The following CLNK variants were observed in gnomAD, a reference collection of about 807,000 sequenced individuals.
CLNK encodes cytokine dependent hematopoietic cell linker, also known as cytokine-dependent hematopoietic cell linker.
In CLNK, 74 loss-of-function variants were observed where a neutral mutation model predicts 68.6. The ratio of observed to expected loss-of-function variants is 1.08; its 90% CI spans 0.89 to 1.31. The LOEUF is 1.31. Among genes scored for constraint, CLNK ranks in the 50% most tolerant of loss-of-function variants. CLNK has a pLI of 0.00. For missense variants in CLNK, 553 were observed against 515.3 expected, an observed-to-expected ratio of 1.07 and a Z score of -0.71; for synonymous variants, 198 against 172.2, an observed-to-expected ratio of 1.15 and a Z score of -1.17.
At chr4:10,638,997 G>C (rs921961872) in intron 2 of CLNK, among the ~76,000 whole-genome samples, 4 of 152,198 alleles carry the variant, frequency 2.6e-5, no homozygotes, top group Non-Finnish European at 4.4e-5. Flanking sequence ...GTCACATTCT[G>C]CGATGCTGGG....
intron 18 of CLNK, among the ~76,000 whole-genome samples, chr4:10,496,346 G>T (rs1246886774): frequency 6.6e-6 from 1 of 152,182 alleles, no homozygotes; most frequent in East Asian, 1.9e-4. Flanking sequence ...GCAGAGCCTT[G>T]CTATGTAAAA....
intron 2 of CLNK, among the ~76,000 whole-genome samples, chr4:10,632,131 T>A (rs1226028464): frequency 1.3e-5 from 2 of 152,200 alleles, no homozygotes; most frequent in Non-Finnish European, 2.9e-5. Context: ...CAAAACTCCA[T>A]CTTCCCAGAC....
At chr4:10,660,880 C>A (rs1724168596) in intron 2 of CLNK, among the ~76,000 whole-genome samples, 2 of 152,246 alleles carry the variant, frequency 1.3e-5, no homozygotes, top group Non-Finnish European at 2.9e-5. Context: ...TGTTCCCTCA[C>A]AGCTTGCAGC....
intron 10 of CLNK, 31 bp downstream of exon 10, chr4:10,541,991 C>G: frequency 6.8e-7 from 1 of 1,465,826 alleles, no homozygotes; most frequent in Non-Finnish European, 9.3e-7. Flanking sequence ...CATTGTATAG[C>G]GAAAAAAAAT....
At chr4:10,571,717 AG>A in intron 5 of CLNK, 23 bp downstream of exon 5, 1 of 1,593,662 alleles carries the variant, frequency 6.3e-7, no homozygotes, top group Non-Finnish European at 8.6e-7. Context: ...CGTATAAAAT[AG>A]ATAAGGGAAG....
At chr4:10,701,494 C>G in the CLNK span, among the ~76,000 whole-genome samples, 2 of 152,200 alleles carry the variant, frequency 1.3e-5, no homozygotes, top group Admixed American at 6.5e-5. Context: ...ACGCAGTCCC[C>G]TTTCTCAAGG....
chr4:10,563,070 C>T (rs149318167), intron 7 of CLNK, among the ~76,000 whole-genome samples: 1 of 152,198 alleles, frequency 6.6e-6, no homozygotes, highest in Non-Finnish European at 1.5e-5. Context: ...ACTCGTCTTG[C>T]TCCTTCAGTC....
At chr4:10,613,707 A>G (rs1722122167) in intron 2 of CLNK, among the ~76,000 whole-genome samples, 1 of 152,154 alleles carries the variant, frequency 6.6e-6, no homozygotes, top group Admixed American at 6.5e-5. Flanking sequence ...CCAGCAGGAG[A>G]TGGAACAGGG....
the CLNK span, among the ~76,000 whole-genome samples, chr4:10,701,806 A>G: frequency 2.0e-5 from 3 of 152,228 alleles, no homozygotes; most frequent in Admixed American, 1.3e-4. Flanking sequence ...ACTTCTACTT[A>G]AAGTGAAATC....
intron 2 of CLNK, among the ~76,000 whole-genome samples, chr4:10,622,814 AG>A (rs1722511550): frequency 6.6e-6 from 1 of 152,184 alleles, no homozygotes; most frequent in African/African-American, 2.4e-5. Flanking sequence ...GGTGGCTGGA[AG>A]TCCAAGATCA....
At chr4:10,632,982 G>T (rs1199207469) in intron 2 of CLNK, among the ~76,000 whole-genome samples, 2 of 152,190 alleles carry the variant, frequency 1.3e-5, no homozygotes, top group East Asian at 3.9e-4. Context: ...CTGTCAACCA[G>T]GCCAGAGTGC....
chr4:10,689,544 G>A (rs1032635357), upstream of CLNK, among the ~76,000 whole-genome samples: 5 of 152,058 alleles, frequency 3.3e-5, no homozygotes, highest in East Asian at 1.9e-4. Flanking sequence ...TCAGCTGGTC[G>A]TGACTGCCAA....
the CLNK span, among the ~76,000 whole-genome samples, chr4:10,704,147 A>G: frequency 6.6e-6 from 1 of 152,198 alleles, no homozygotes; most frequent in African/African-American, 2.4e-5. Flanking sequence ...GGAGGAAAAA[A>G]GAACATTCTA....
intron 15 of CLNK, among the ~76,000 whole-genome samples, chr4:10,514,250 G>T (rs1717734933): frequency 6.8e-6 from 1 of 146,462 alleles, no homozygotes; most frequent in Non-Finnish European, 1.5e-5. Flanking sequence ...TCTTAATCCA[G>T]TCTATCATTG....
the CLNK span, among the ~76,000 whole-genome samples, chr4:10,698,022 T>A: frequency 6.6e-6 from 1 of 152,222 alleles, no homozygotes; most frequent in African/African-American, 2.4e-5. Flanking sequence ...TGTTAATTTC[T>A]GTAACATAAG....
At position 10,490,319 on chromosome 4, in the gene CLNK, T is replaced by C; in HGVS notation, c.*148A>G. 1 of 643,204 alleles carries C rather than the reference T, an allele frequency of 1.6e-6. No individual in the cohort carries two copies. Among genetic ancestry groups the C allele is most frequent in the East Asian group, 3.3e-5 (1 of 30,544 alleles). The allele number at this position is 643,204 out of a possible 1,614,324, so 39.8% of individuals were successfully genotyped here. ...TGGTTTGAACTTTCAAAACCGTGAG[T>C]GATTTTCCACTCTCTGTTATAGAGT... On this transcript the variant is annotated 3_prime_UTR_variant, in exon 19 of 19. Transcript: ENST00000226951.
chr4:10,674,731 G>A (rs1169265835), intron 1 of CLNK, among the ~76,000 whole-genome samples: 1 of 152,194 alleles, frequency 6.6e-6, no homozygotes, highest in East Asian at 1.9e-4. Flanking sequence ...CAGCTTTGGG[G>A]CGGATGGTCT....
At chr4:10,611,733 G>A (rs536116776) in intron 2 of CLNK, among the ~76,000 whole-genome samples, 25 of 152,190 alleles carry the variant, frequency 1.6e-4, no homozygotes, top group African/African-American at 5.8e-4. Flanking sequence ...TGCTCCTGGG[G>A]GTGGCTCCTG....
At chr4:10,610,033 G>GTTTTTTTTTT (rs71181047) in intron 2 of CLNK, among the ~76,000 whole-genome samples, 8 of 73,450 alleles carry the variant, frequency 1.1e-4, no homozygotes, top group African/African-American at 1.9e-4. Flanking sequence ...ATGAATGCTC[G>GTTTTTTTTTT]TTTTTTTTTT....
Sources: allele counts gnomAD v4.1 joint callset (sites outside exome capture counted in the v4.1 genomes callset), GRCh38; gene constraint gnomAD v4.1.1; transcripts MANE v1.5; gene names NCBI Gene and HGNC (gene_info 2026-07-23, HGNC 2026-07-21).